The following CEACAM6 variants were observed in gnomAD, a reference collection of about 807,000 sequenced individuals.
The protein encoded by CEACAM6 is cell adhesion molecule CEACAM6.
Under a neutral mutation model 32.4 loss-of-function variants are expected in CEACAM6, and 21 were observed. The observed-to-expected ratio is 0.65, with a 90% CI of 0.46 to 0.93. The LOEUF is 0.93. Among genes scored for constraint, CEACAM6 ranks in the 40% least tolerant of loss-of-function variants. The pLI is 0.00. For synonymous variants in CEACAM6, 184 were observed against 174.4 expected (o/e 1.06, Z -0.43); for missense variants, 406 against 432.2 (o/e 0.94, Z 0.54).
intron 4 of CEACAM6, among the ~76,000 whole-genome samples, chr19:41,763,575 T>C (rs758609839): frequency 1.3e-5 from 2 of 152,162 alleles, no homozygotes; most frequent in Non-Finnish European, 2.9e-5. Context: ...CCTATTCACA[T>C]TTGAGAAAGT....
chr19:41,759,679 T>A lies in CEACAM6; in HGVS notation c.425-1570T>A, dbSNP rs112053522. Among the ~76,000 whole-genome samples, 39 of 152,374 alleles carry A rather than the reference T, an allele frequency of 2.6e-4. 1 individual carries two copies. Among genetic ancestry groups the A allele is most frequent in the African/African-American group, 8.9e-4 (37 of 41,588 alleles). ...CTTAGTATGTTATCAAGAAAAATAC[T>A]ACTTCCAGCCCTTGATCTTTGATCT... is the stretch of plus-strand genomic sequence containing the variant. On this transcript the variant is annotated intron_variant, in intron 2 of 5. Transcript: ENST00000199764.
chr19:41,757,238 C>T (rs2072894201), intron 2 of CEACAM6, among the ~76,000 whole-genome samples: 1 of 152,052 alleles, frequency 6.6e-6, no homozygotes, highest in African/African-American at 2.4e-5. Context: ...CCATGGTCTC[C>T]CCATGGACCT....
rs782788865 is a variant in CEACAM6 at position 41,756,873 on chromosome 19, C to A, written c.338C>A (p.Thr113Asn). Residue 113 changes from threonine to asparagine, a missense_variant, in exon 2 of 6, where the codon ACC (threonine) becomes AAC (asparagine). Physicochemically the swap from Thr to Asn is moderately conservative, Grantham distance 65 (BLOSUM62 0). Coordinates refer to ENST00000199764, the MANE Select transcript of CEACAM6 (RefSeq NM_002483.7). ...GCATCCCTGCTGATCCAGAACGTCACCCAGAATGACACAGGATTCTATACC... is the reference window on the plus strand; with the variant it reads ...GCATCCCTGCTGATCCAGAACGTCAACCAGAATGACACAGGATTCTATACC... ...PNASLLIQNV[T>N]QNDTGFYTLQ... 6.8e-6 allele frequency: 11 copies of A among 1,614,120 alleles called. No individual in the cohort carries two copies. The highest frequency in any genetic ancestry group is 9.3e-6 in the Non-Finnish European group (11 of 1,180,028).
At chr19:41,763,839 A>G (rs1375052843) in intron 4 of CEACAM6, among the ~76,000 whole-genome samples, 2 of 152,240 alleles carry the variant, frequency 1.3e-5, no homozygotes, top group Non-Finnish European at 2.9e-5. Context: ...AACCCTGTAG[A>G]GTTTTCTACA....
intron 2 of CEACAM6, among the ~76,000 whole-genome samples, chr19:41,760,789 T>G (rs1270876780): frequency 6.6e-6 from 1 of 152,114 alleles, no homozygotes; most frequent in Non-Finnish European, 1.5e-5. Context: ...TTAAGGACAA[T>G]AAGAAGTCCC....
rs1233683502 is a variant in CEACAM6, at chr19:41,762,297, AT to A, written c.958+78del. ...GCTCTCAGAGAAGAGCCAGGAAGAA[AT>A]TTTCTTTCCCAACCTGTGTCCAAGG... On this transcript the variant is annotated intron_variant, in intron 4 of 5. Coordinates refer to ENST00000199764, the MANE Select transcript of CEACAM6 (RefSeq NM_002483.7). 11 of 1,548,136 alleles carry A rather than the reference AT, an allele frequency of 7.1e-6. No individual in the cohort carries two copies. The Admixed American group carries it at 1.7e-4, about 24-fold the overall frequency.
At chr19:41,757,204 C>T (rs1237697350) in intron 2 of CEACAM6, among the ~76,000 whole-genome samples, 6 of 152,044 alleles carry the variant, frequency 3.9e-5, no homozygotes, top group Admixed American at 6.6e-5. Flanking sequence ...CTCAGCAGGG[C>T]GAGGTCAGTG....
intron 5 of CEACAM6, among the ~76,000 whole-genome samples, chr19:41,766,776 G>C (rs1332574104): frequency 6.6e-6 from 1 of 152,124 alleles, no homozygotes; most frequent in African/African-American, 2.4e-5. Context: ...GGAGGCCGAG[G>C]TGGGCGGATC....
intron 5 of CEACAM6, among the ~76,000 whole-genome samples, chr19:41,769,335 T>C (rs1555822733): frequency 6.6e-6 from 1 of 152,162 alleles, no homozygotes; most frequent in African/African-American, 2.4e-5. Context: ...TTACAGAAAA[T>C]ACTCCGACAT....
rs1555821792 is a variant in CEACAM6 at position 41,761,246 on chromosome 19, C to T, written c.425-3C>T. 4 of 1,614,214 alleles carry T rather than the reference C, an allele frequency of 2.5e-6. No homozygotes were observed. The highest frequency in any genetic ancestry group is 1.1e-5 in the South Asian group (1 of 91,076). On this transcript the variant is annotated splice_polypyrimidine_tract_variant and splice_region_variant and intron_variant, in intron 2 of 5. Transcript: ENST00000199764. ...GGCAATCTTCTCTCTGTTTTCTGCACAGCGGAGCTGCCCAAGCCCTCCATC... is the reference window on the plus strand; with the variant it reads ...GGCAATCTTCTCTCTGTTTTCTGCATAGCGGAGCTGCCCAAGCCCTCCATC...
chr19:41,758,494 C>T (rs1289914129), intron 2 of CEACAM6, among the ~76,000 whole-genome samples: 1 of 151,700 alleles, frequency 6.6e-6, no homozygotes, highest in East Asian at 1.9e-4. Flanking sequence ...TCCCTCTGAA[C>T]CCCTGTCCCT....
chr19:41,755,832 G>A (rs1411370857), intron 1 of CEACAM6, 130 bp downstream of exon 1: 1 of 638,610 alleles, frequency 1.6e-6, no homozygotes, highest in Non-Finnish European at 2.6e-6. Flanking sequence ...CAGAACACCA[G>A]AGAGGGACAG....
intron 2 of CEACAM6, among the ~76,000 whole-genome samples, chr19:41,760,770 C>G (rs1184248394): frequency 1.3e-5 from 2 of 152,196 alleles, no homozygotes; most frequent in Non-Finnish European, 2.9e-5. Flanking sequence ...TGCACAGTAT[C>G]CTTGGGGTTT....
chr19:41,762,396 TTTGTTTTTTG>T (rs1231771698), intron 4 of CEACAM6, among the ~76,000 whole-genome samples, 173 bp downstream of exon 4: 2 of 152,120 alleles, frequency 1.3e-5, no homozygotes, highest in South Asian at 2.1e-4. Flanking sequence ...CCCTTGTTTT[TTTGTTTTTTG>T]TTGTTTTTTG....
chr19:41,759,904 T>G (rs2072912420), intron 2 of CEACAM6, among the ~76,000 whole-genome samples: 2 of 152,240 alleles, frequency 1.3e-5, no homozygotes, highest in South Asian at 4.1e-4. Flanking sequence ...TAACACTTTT[T>G]GACCACTAAA....
At position 41,755,593 on chromosome 19, in the gene CEACAM6, C is replaced by T; in HGVS notation, c.-46C>T. ...AGCCCTGACCAGAGCATTCCTGGAG[C>T]TCAAGCTCCTCTACAAAGAGGTGGA... is the stretch of plus-strand genomic sequence containing the variant. On this transcript the variant is annotated 5_prime_UTR_variant, in exon 1 of 6. Coordinates refer to ENST00000199764, the MANE Select transcript of CEACAM6 (RefSeq NM_002483.7). 1 of 1,588,776 alleles carries T rather than the reference C, an allele frequency of 6.3e-7. No homozygotes were observed. The highest frequency in any genetic ancestry group is 8.6e-7 in the Non-Finnish European group (1 of 1,157,642).
chr19:41,762,305 T>C, intron 4 of CEACAM6, 82 bp downstream of exon 4: 1 of 1,529,568 alleles, frequency 6.5e-7, no homozygotes, highest in Admixed American at 1.9e-5. Context: ...AAATTTTCTT[T>C]CCCAACCTGT....
At chr19:41,756,453 GACACACACACACACACAC>G (rs4060857) in intron 1 of CEACAM6, 129 bp from the exon 2 acceptor site, 21 of 920,600 alleles carry the variant, frequency 2.3e-5, no homozygotes, top group African/African-American at 2.0e-4. Flanking sequence ...GACTCAGTAG[GACACACACACACACACAC>G]ACACACACAC....
At chr19:41,763,610 G>A (rs2072940058) in intron 4 of CEACAM6, among the ~76,000 whole-genome samples, 1 of 152,180 alleles carries the variant, frequency 6.6e-6, no homozygotes, top group Non-Finnish European at 1.5e-5. Flanking sequence ...CACAAAGCAG[G>A]TGGCCTCGAT....
Sources: gnomAD v4.1 joint callset for allele counts (sites outside exome capture counted in the v4.1 genomes callset) on GRCh38, gnomAD v4.1.1 for gene constraint, MANE v1.5 for transcripts, NCBI Gene and HGNC (gene_info 2026-07-23, HGNC 2026-07-21) for gene names.